Variants in CTNNA2 observed in about 807,000 individuals in gnomAD.
CTNNA2 encodes catenin alpha 2.
Under a neutral mutation model 101.0 loss-of-function variants are expected in CTNNA2, and 42 were observed. That is an observed-to-expected ratio of 0.42 (90% confidence interval 0.32 to 0.54). The LOEUF (loss-of-function observed/expected upper bound fraction) is 0.54, where lower values mean the gene tolerates loss of function less well. Ranked by LOEUF, CTNNA2 falls within the 20% of genes least tolerant of loss-of-function variation. The pLI, the probability that CTNNA2 is intolerant of heterozygous loss-of-function variation, is 0.14. For missense variants in CTNNA2, 871 were observed against 1,223.1 expected (o/e 0.71, Z 4.29); for synonymous variants, 450 against 456.4 (o/e 0.99, Z 0.18).
In CTNNA2 at chr2:79,517,399, T is replaced by G. The variant is rs147932814; in HGVS notation, c.-6+4192T>G. ...AAATGTTTCTCATATATTTCTGTTT[T>G]GTAGTTCAAATAATATACAAAATTG... On this transcript the variant is annotated intron_variant, in intron 1 of 18. Coordinates refer to ENST00000402739, the MANE Select transcript of CTNNA2 (RefSeq NM_001282597.3). Among the ~76,000 whole-genome samples, 277 of 152,294 alleles carry G rather than the reference T, an allele frequency of 1.8e-3. 4 individuals carry two copies. The East Asian group carries it at 0.03, about 17-fold the overall frequency.
intron 9 of CTNNA2, among the ~76,000 whole-genome samples, chr2:80,444,776 A>G (rs960669932): frequency 6.6e-6 from 1 of 152,100 alleles, no homozygotes; most frequent in African/African-American, 2.4e-5. Context: ...GATTGAGAGG[A>G]CCCTCACCAG....
At chr2:80,562,601 C>A (rs1693705069) in intron 12 of CTNNA2, among the ~76,000 whole-genome samples, 1 of 152,124 alleles carries the variant, frequency 6.6e-6, no homozygotes, top group Admixed American at 6.6e-5. Flanking sequence ...AAAATCTGTT[C>A]TTCAGATGTA....
At chr2:80,576,388 G>A (rs28589471) in intron 13 of CTNNA2, 106,047 of 137,648 alleles carry the variant, frequency 0.77, 39,333 homozygotes, top group Non-Finnish European at 0.79. Flanking sequence ...TTTTTTTTTT[G>A]CTTCTTCCTG....
At chr2:80,015,287 C>T (rs1157440324) in intron 7 of CTNNA2, among the ~76,000 whole-genome samples, 2 of 152,054 alleles carry the variant, frequency 1.3e-5, no homozygotes, top group African/African-American at 2.4e-5. Flanking sequence ...CCTGTTCTCT[C>T]TGTATTTGAA....
chr2:79,890,626 T>C (rs1298554763), intron 6 of CTNNA2, among the ~76,000 whole-genome samples: 1 of 151,972 alleles, frequency 6.6e-6, no homozygotes, highest in Non-Finnish European at 1.5e-5. Context: ...GTCTGGATAT[T>C]ATTTTCTTTT....
intron 3 of CTNNA2, among the ~76,000 whole-genome samples, chr2:79,836,340 C>G (rs1679364010): frequency 6.6e-6 from 1 of 152,160 alleles, no homozygotes; most frequent in African/African-American, 2.4e-5. Flanking sequence ...AGCATTTTCT[C>G]AAAGTCTTGT....
At position 79,962,079 on chromosome 2, in the gene CTNNA2, T is replaced by A. The variant is rs147716814; in HGVS notation, c.1056+52282T>A. 7.9e-3 allele frequency among the ~76,000 whole-genome samples: 1,204 copies of A among 152,372 alleles called. 14 individuals are homozygous for A. Among genetic ancestry groups the A allele is most frequent in the African/African-American group, 0.027 (1,124 of 41,582 alleles). On this transcript the variant is annotated intron_variant, in intron 7 of 18. Coordinates refer to ENST00000402739, the MANE Select transcript of CTNNA2 (RefSeq NM_001282597.3). ...CCATGACGAGGCAACCTGAAGCCAC[T>A]GAGGCCTTAAATCAAAGCCATATGC...
At chr2:79,569,238 AG>A (rs1675314356) in intron 1 of CTNNA2, among the ~76,000 whole-genome samples, 1 of 152,178 alleles carries the variant, frequency 6.6e-6, no homozygotes, top group Non-Finnish European at 1.5e-5. Flanking sequence ...AGTGAATGAC[AG>A]GAGTCCTTGT....
chr2:80,446,870 A>C, intron 9 of CTNNA2, among the ~76,000 whole-genome samples: 1 of 152,124 alleles, frequency 6.6e-6, no homozygotes, highest in East Asian at 1.9e-4. Flanking sequence ...AAATTTTTTC[A>C]GCAGAAAATA....
intron 7 of CTNNA2, among the ~76,000 whole-genome samples, chr2:79,974,464 G>A (rs1690699597): frequency 6.6e-6 from 1 of 152,124 alleles, no homozygotes; most frequent in African/African-American, 2.4e-5. Context: ...ACTTACTTCT[G>A]CTACCAAAAT....
intron 5 of CTNNA2, among the ~76,000 whole-genome samples, chr2:79,870,266 G>A (rs559470461): frequency 2.6e-5 from 4 of 152,322 alleles, no homozygotes; most frequent in South Asian, 2.1e-4. Flanking sequence ...GGGTAGTGCT[G>A]TGGTCAGTCT....
intron 2 of CTNNA2, among the ~76,000 whole-genome samples, chr2:79,657,804 T>C (rs910452149): frequency 7.9e-5 from 12 of 151,732 alleles, no homozygotes; most frequent in Non-Finnish European, 5.9e-5. Flanking sequence ...CAAATAAAAA[T>C]ACTTTAGTAT....
In CTNNA2 at chr2:79,505,454, C is replaced by T. The variant is rs189039681; in HGVS notation, c.-6+272C>T. On this transcript the variant is annotated intron_variant, in intron 5 of 21. Transcript: ENST00000466387. ...CAATTAAGATTGAAAGAAAAGTGGA[C>T]ATTTCTTCTATTAGCTCTCTTTAGA... 8.3e-3 allele frequency among the ~76,000 whole-genome samples: 1,260 copies of T among 152,286 alleles called. 10 individuals carry two copies. Among genetic ancestry groups the T allele is most frequent in the Admixed American group, 9.5e-3 (146 of 15,288 alleles).
At chr2:80,313,364 G>A in intron 7 of CTNNA2, 1 of 1,345,916 alleles carries the variant, frequency 7.4e-7, no homozygotes, top group Non-Finnish European at 9.6e-7. Context: ...AAGTCAGATG[G>A]AATTTTACCC....
At chr2:79,219,140 A>C (rs1436918457) in intron 2 of CTNNA2, among the ~76,000 whole-genome samples, 1 of 152,154 alleles carries the variant, frequency 6.6e-6, no homozygotes, top group Non-Finnish European at 1.5e-5. Flanking sequence ...AGCATCCTTC[A>C]CATTCTAAGA....
intron 7 of CTNNA2, among the ~76,000 whole-genome samples, chr2:79,924,460 A>C (rs1204069990): frequency 6.6e-6 from 1 of 152,096 alleles, no homozygotes; most frequent in Non-Finnish European, 1.5e-5. Flanking sequence ...TAATGTCTTT[A>C]AAAGGAAATG....
chr2:80,226,556 T>A (rs1403886623), intron 7 of CTNNA2, among the ~76,000 whole-genome samples: 1 of 152,218 alleles, frequency 6.6e-6, no homozygotes, highest in Non-Finnish European at 1.5e-5. Flanking sequence ...ATCACTCTGA[T>A]TTGACTGGTC....
chr2:79,556,528 C>T (rs1390980812), intron 1 of CTNNA2, among the ~76,000 whole-genome samples: 3 of 152,020 alleles, frequency 2.0e-5, no homozygotes, highest in Non-Finnish European at 4.4e-5. Flanking sequence ...GAATTGAAGC[C>T]AGTCCCCTGA....
At chr2:79,216,712 C>T (rs548276880) in intron 2 of CTNNA2, among the ~76,000 whole-genome samples, 48 of 142,686 alleles carry the variant, frequency 3.4e-4, no homozygotes, top group Middle Eastern at 3.9e-3. Flanking sequence ...TTGGGGGGTT[C>T]TTGCCCCCTA....
Sources: allele counts gnomAD v4.1 joint callset (sites outside exome capture counted in the v4.1 genomes callset), GRCh38; gene constraint gnomAD v4.1.1; transcripts MANE v1.5; gene names NCBI Gene and HGNC (gene_info 2026-07-23, HGNC 2026-07-21).